The following SIPA1L3 variants were observed in gnomAD, a reference collection of about 807,000 sequenced individuals.
SIPA1L3 encodes signal induced proliferation associated 1 like 3, also known as signal-induced proliferation-associated 1-like protein 3.
Under a neutral mutation model 150.1 loss-of-function variants are expected in SIPA1L3, and 59 were observed. The observed-to-expected ratio is 0.39, with a 90% CI of 0.32 to 0.49. The LOEUF (loss-of-function observed/expected upper bound fraction) is 0.49, where lower values mean the gene tolerates loss of function less well. Ranked by LOEUF, SIPA1L3 falls within the 20% of genes least tolerant of loss-of-function variation. SIPA1L3 has a pLI of 0.86. For missense variants in SIPA1L3, 2,211 were observed against 2,489.5 expected, an observed-to-expected ratio of 0.89 and a Z score of 2.38; for synonymous variants, 1,070 against 1,077.6, an observed-to-expected ratio of 0.99 and a Z score of 0.14.
Position 38,100,021 on chromosome 19 carries a change from G to A in SIPA1L3, c.1725G>A (p.Gly575=), listed in dbSNP as rs1199142943. Residue 575 remains glycine, a synonymous_variant, in exon 5 of 22, where the codon GGG becomes GGA. Transcript: ENST00000222345. ...CTACGCCCACAGCCACCAAGCATGG[G>A]ACCGGGCGGGGCCTGCCCTTGAAGG... ...EDATPTATKH[G]TGRGLPLKDA... is the part of the protein sequence containing the mutation. 1.2e-6 allele frequency: 2 copies of A among 1,611,320 alleles called. No individual in the cohort carries two copies. The highest frequency in any genetic ancestry group is 1.3e-5 in the African/African-American group (1 of 74,750).
At chr19:37,966,775 G>A (rs1599848743) in intron 1 of SIPA1L3, among the ~76,000 whole-genome samples, 1 of 152,202 alleles carries the variant, frequency 6.6e-6, no homozygotes, top group Non-Finnish European at 1.5e-5. Context: ...GGCACTGGGG[G>A]AAGGGAAAGG....
chr19:38,022,465 C>T (rs1350899326), intron 1 of SIPA1L3, among the ~76,000 whole-genome samples: 4 of 150,692 alleles, frequency 2.7e-5, no homozygotes, highest in Admixed American at 6.6e-5. Context: ...TTTGGGAGGT[C>T]GAGGCAGGCA....
intron 2 of SIPA1L3, among the ~76,000 whole-genome samples, chr19:38,080,080 C>A (rs1266512250): frequency 6.6e-6 from 1 of 152,182 alleles, no homozygotes; most frequent in Non-Finnish European, 1.5e-5. Context: ...AGTAAGTAGT[C>A]ACTGGGGAGA....
intron 17 of SIPA1L3, among the ~76,000 whole-genome samples, chr19:38,193,007 A>C (rs1972837738): frequency 6.6e-6 from 1 of 151,862 alleles, no homozygotes; most frequent in Non-Finnish European, 1.5e-5. Context: ...GGGGTTGGGG[A>C]GTGGGAGTCC....
At chr19:37,910,392 A>G (rs996263807) in intron 1 of SIPA1L3, among the ~76,000 whole-genome samples, 1 of 151,946 alleles carries the variant, frequency 6.6e-6, no homozygotes, top group Non-Finnish European at 1.5e-5. Flanking sequence ...AACATGGCGA[A>G]ACCCCATCTC....
rs560309848 is a variant in SIPA1L3, at chr19:38,084,343, T to A, written c.1534+1244T>A. 5.3e-5 allele frequency among the ~76,000 whole-genome samples: 8 copies of A among 152,248 alleles called. No homozygotes were observed. The South Asian group carries it at 1.7e-3, about 31-fold the overall frequency. Reference sequence around the variant, plus strand: ...GCATGTGGGAGTTATAGCCTACTGCTCAAGGACATTGCCAGGGTCTGAATT... The same window carrying A: ...GCATGTGGGAGTTATAGCCTACTGCACAAGGACATTGCCAGGGTCTGAATT... On this transcript the variant is annotated intron_variant, in intron 3 of 21. Coordinates refer to ENST00000222345, the MANE Select transcript of SIPA1L3 (RefSeq NM_015073.3).
At chr19:38,027,067 G>A (rs909123799) in intron 1 of SIPA1L3, among the ~76,000 whole-genome samples, 4 of 152,136 alleles carry the variant, frequency 2.6e-5, no homozygotes, top group Non-Finnish European at 5.9e-5. Context: ...CAAGGTGGGC[G>A]GATCGCTTGA....
chr19:38,166,028 G>T (rs566656441), intron 15 of SIPA1L3, among the ~76,000 whole-genome samples: 2 of 151,976 alleles, frequency 1.3e-5, no homozygotes, highest in African/African-American at 4.8e-5. Context: ...CTCCCAAATT[G>T]CTGGGATCAC....
At chr19:37,977,186 A>T (rs548590797) in intron 1 of SIPA1L3, among the ~76,000 whole-genome samples, 8 of 152,014 alleles carry the variant, frequency 5.3e-5, no homozygotes, top group African/African-American at 1.9e-4. Context: ...TTTTTATGAG[A>T]TGGAGGCTTG....
At chr19:38,000,950 C>T (rs1421219644) in intron 1 of SIPA1L3, among the ~76,000 whole-genome samples, 1 of 58,060 alleles carries the variant, frequency 1.7e-5, no homozygotes, top group South Asian at 5.6e-4. Flanking sequence ...TAACATATAA[C>T]ACACATATAA....
chr19:37,939,365 A>C (rs984311327), intron 1 of SIPA1L3, among the ~76,000 whole-genome samples: 1 of 139,080 alleles, frequency 7.2e-6, no homozygotes, highest in Non-Finnish European at 1.5e-5. Context: ...TGCACCATGC[A>C]CTCCAGCCTG....
At position 38,130,433 on chromosome 19, in the gene SIPA1L3, CA is replaced by C. The variant is rs1232070673; in HGVS notation, c.2869-64del. The C allele has an allele frequency of 9.0e-5, 138 of 1,535,124 alleles. 1 individual carries two copies. The South Asian group carries it at 1.4e-3, about 16-fold the overall frequency. The stretch of plus-strand genomic sequence containing the variant: ...TTGGCTTCAAAGCGGGGAACGTGAC[CA>C]GGGGTCTTCCAGAGGAGCTGACCCA... On this transcript the variant is annotated intron_variant, in intron 9 of 21. Coordinates refer to ENST00000222345, the MANE Select transcript of SIPA1L3 (RefSeq NM_015073.3).
rs752109142 is a variant in SIPA1L3 at position 38,047,868 on chromosome 19, T to G, written c.-311+18712T>G. On this transcript the variant is annotated intron_variant, in intron 2 of 21. Transcript: ENST00000222345. The surrounding 1 kb of genome is among the most constrained non-coding windows in gnomAD (Gnocchi z 4.7). Reference sequence around the variant, plus strand: ...CTGGGCTTTCTGGTCCTGTCTCTCATCCTCAGCTCCAGTCAGCTGGGGATT... The same window carrying G: ...CTGGGCTTTCTGGTCCTGTCTCTCAGCCTCAGCTCCAGTCAGCTGGGGATT... Among the ~76,000 whole-genome samples the G allele has an allele frequency of 1.6e-4, 24 of 152,296 alleles. No individual in the cohort carries two copies. Among genetic ancestry groups the G allele is most frequent in the Admixed American group, 2.6e-4 (4 of 15,296 alleles).
intron 15 of SIPA1L3, among the ~76,000 whole-genome samples, chr19:38,170,032 C>T (rs1437488815): frequency 1.3e-5 from 2 of 149,708 alleles, no homozygotes; most frequent in African/African-American, 2.5e-5. Context: ...GGAGGGGGGC[C>T]AGGCAGAGGG....
intron 8 of SIPA1L3, among the ~76,000 whole-genome samples, chr19:38,111,972 CACACATGCA>C (rs1970764608): frequency 1.1e-5 from 1 of 94,574 alleles, no homozygotes; most frequent in African/African-American, 7.0e-5. Context: ...CGTACATGCA[CACACATGCA>C]CACAGGCACA....
chr19:37,914,589 G>T lies in SIPA1L3; in HGVS notation c.-379+7231G>T, dbSNP rs565085006. ...GACAGGTTACACCATGTTGGCCAGG[G>T]TGGTCTCAAACGCCTGACCTCAGGT... On this transcript the variant is annotated intron_variant, in intron 1 of 21. Coordinates refer to ENST00000222345, the MANE Select transcript of SIPA1L3 (RefSeq NM_015073.3). Among the ~76,000 whole-genome samples, 8 of 152,084 alleles carry T rather than the reference G, an allele frequency of 5.3e-5. No individual in the cohort carries two copies. In the South Asian group the frequency reaches 1.7e-3, roughly 32 times the overall value.
intron 1 of SIPA1L3, among the ~76,000 whole-genome samples, chr19:37,939,500 T>G (rs1725499): frequency 0.38 from 57,558 of 151,752 alleles, 13,735 homozygotes; most frequent in East Asian, 0.71. Flanking sequence ...CTCTCTCACG[T>G]AAAGGAGCCC....
In SIPA1L3 at chr19:38,164,885, G is replaced by A. The variant is rs540272351; in HGVS notation, c.4187G>A (p.Arg1396Gln). 26 of 1,550,542 alleles carry A rather than the reference G, an allele frequency of 1.7e-5. No individual in the cohort carries two copies. Among genetic ancestry groups the A allele is most frequent in the Middle Eastern group, 1.7e-4 (1 of 5,762 alleles). ...STPTGLAGGS[R>Q]DPPRQPSDMG... is the part of the protein sequence containing the mutation. ...CCCACGGGACTGGCGGGGGGCAGCC[G>A]AGACCCACCGAGGCAGCCCAGGTAA... is the stretch of plus-strand genomic sequence containing the variant. The change falls in exon 15 of 22, where the codon CGA (arginine) becomes CAA (glutamine). Residue 1396 changes from arginine (R) to glutamine (Q), a missense_variant. This residue lies in a region of SIPA1L3 where 806 missense variants were observed against 870.1 expected (regional missense o/e 0.93). Coordinates refer to ENST00000222345, the MANE Select transcript of SIPA1L3 (RefSeq NM_015073.3). This position sits in a 1 kb window ranked among gnomAD's most constrained non-coding sequence, Gnocchi z 4.1.
chr19:38,188,080 A>G (rs1306111161), intron 16 of SIPA1L3, among the ~76,000 whole-genome samples: 1 of 152,048 alleles, frequency 6.6e-6, no homozygotes, highest in Non-Finnish European at 1.5e-5. Context: ...GCTGTAGCTC[A>G]CTGAGCATTT....
Sources: gnomAD v4.1 joint callset for allele counts (sites outside exome capture counted in the v4.1 genomes callset) on GRCh38, gnomAD v4.1.1 for gene constraint, gnomAD v4.1.1 regional missense constraint, Gnocchi (gnomAD v3.1) non-coding constraint, MANE v1.5 for transcripts, NCBI Gene and HGNC (gene_info 2026-07-23, HGNC 2026-07-21) for gene names.